The following CDYL variants were observed in gnomAD, a reference collection of about 807,000 sequenced individuals.
CDYL encodes the protein chromodomain Y like, also known as chromodomain Y-like protein.
CDYL carries 8 observed loss-of-function variants against 47.3 expected under a neutral mutation model. The observed-to-expected ratio is 0.17, with a 90% CI of 0.10 to 0.31. The LOEUF is 0.31. CDYL is among the 10% of genes least tolerant of loss of function. CDYL has a pLI of 1.00. For synonymous variants in CDYL, 266 were observed against 265.0 expected, an observed-to-expected ratio of 1.00 and a Z score of -0.04; for missense variants, 471 against 701.4, an observed-to-expected ratio of 0.67 and a Z score of 3.71.
At chr6:4,759,296 A>G (rs1758132996) in intron 3 of CDYL, among the ~76,000 whole-genome samples, 1 of 152,076 alleles carries the variant, frequency 6.6e-6, no homozygotes, top group Non-Finnish European at 1.5e-5. Context: ...CCTAACCAAA[A>G]TTAATACAGT....
chr6:4,887,753 A>G (rs532853049), intron 1 of CDYL, among the ~76,000 whole-genome samples: 2 of 152,232 alleles, frequency 1.3e-5, no homozygotes, highest in African/African-American at 4.8e-5. Context: ...AAGAACAAAC[A>G]TCTTGTTTTT....
intron 3 of CDYL, among the ~76,000 whole-genome samples, 168 bp downstream of exon 3, chr6:4,935,939 C>T (rs1218266985): frequency 6.6e-6 from 1 of 152,196 alleles, no homozygotes; most frequent in Non-Finnish European, 1.5e-5. Flanking sequence ...GGGCTTTGCT[C>T]CATGTCCCAC....
At chr6:4,904,613 A>T (rs1757171531) in intron 2 of CDYL, among the ~76,000 whole-genome samples, 1 of 152,148 alleles carries the variant, frequency 6.6e-6, no homozygotes, top group Non-Finnish European at 1.5e-5. Flanking sequence ...ATTATTTAAG[A>T]CTTGTTTGTG....
In CDYL at chr6:4,710,560, G is replaced by A. The variant is rs571286877; in HGVS notation, c.-39+4309G>A. On this transcript the variant is annotated intron_variant, in intron 1 of 8. Coordinates refer to the CDYL transcript ENST00000328908. ...TTTTATCTCTAAACCTCTAAAACAG[G>A]GAGGGAGGGAGGGAGGAACCCAGTG... is the stretch of plus-strand genomic sequence containing the variant. 1.2e-4 allele frequency among the ~76,000 whole-genome samples: 18 copies of A among 151,954 alleles called. No homozygotes were observed. In the East Asian group the frequency reaches 3.5e-3, roughly 29 times the overall value.
chr6:4,709,342 C>A (rs534282827), intron 1 of CDYL, among the ~76,000 whole-genome samples: 1 of 152,260 alleles, frequency 6.6e-6, no homozygotes, highest in African/African-American at 2.4e-5. Flanking sequence ...ATTAAAGGCA[C>A]TCACCACCCC....
intron 1 of CDYL, among the ~76,000 whole-genome samples, chr6:4,797,258 A>G (rs1419513898): frequency 3.3e-5 from 5 of 152,176 alleles, no homozygotes; most frequent in Non-Finnish European, 5.9e-5. Flanking sequence ...CTTACCCTCC[A>G]CTAGATTAAT....
intron 1 of CDYL, among the ~76,000 whole-genome samples, chr6:4,813,558 T>C (rs936384927): frequency 1.3e-5 from 2 of 152,242 alleles, no homozygotes; most frequent in African/African-American, 4.8e-5. Flanking sequence ...TGGATTCATT[T>C]TGCTAAATTA....
chr6:4,942,236 G>A (rs1245367145), intron 4 of CDYL, among the ~76,000 whole-genome samples: 1 of 152,118 alleles, frequency 6.6e-6, no homozygotes, highest in Non-Finnish European at 1.5e-5. Context: ...TGGGGGCTAG[G>A]CTGAGGTCCA....
At chr6:4,758,351 A>AAAAAAAATATATATATATATAT (rs1554134098) in intron 3 of CDYL, among the ~76,000 whole-genome samples, 1 of 129,072 alleles carries the variant, frequency 7.7e-6, no homozygotes, top group African/African-American at 3.1e-5. Flanking sequence ...AAAATAAATA[A>AAAAAAAATATATATATATATAT]ATATATATAT....
At chr6:4,807,763 C>T (rs1294076282) in intron 1 of CDYL, among the ~76,000 whole-genome samples, 12 of 151,682 alleles carry the variant, frequency 7.9e-5, no homozygotes, top group African/African-American at 2.9e-4. Flanking sequence ...GCCACCACAC[C>T]TGACTAATTT....
At position 4,727,388 on chromosome 6, in the gene CDYL, G is replaced by A. The variant is rs536316628; in HGVS notation, c.104-7374G>A. ...TCAAACACTGTAAAACAGGTTTTCTGTCCATACATAGGGTGGATTTGCAAC... is the reference window on the plus strand; with the variant it reads ...TCAAACACTGTAAAACAGGTTTTCTATCCATACATAGGGTGGATTTGCAAC... On this transcript the variant is annotated intron_variant, in intron 2 of 8. Transcript: ENST00000328908. Among the ~76,000 whole-genome samples the A allele has an allele frequency of 4.9e-4, 74 of 152,238 alleles. 1 individual carries two copies. Among genetic ancestry groups the A allele is most frequent in the African/African-American group, 1.8e-3 (73 of 41,518 alleles).
rs1187147858 is a variant in CDYL at position 4,892,045 on chromosome 6, C to G, written c.357C>G (p.Phe119Leu). 1.2e-6 allele frequency: 2 copies of G among 1,614,192 alleles called. No individual in the cohort carries two copies. Among genetic ancestry groups the G allele is most frequent in the East Asian group, 2.2e-5 (1 of 44,892 alleles). ...NSQLFAASQK[F>L]RKNTAPSLSS... ...AGCTGTTTGCTGCCAGCCAGAAGTT[C>G]AGGAAGAACACAGCTCCATCTCTCT... Residue 119 changes from phenylalanine (F) to leucine (L), a missense_variant, in exon 2 of 7, where the codon TTC (phenylalanine) becomes TTG (leucine). Around this residue, in one of 3 missense-constraint regions of CDYL, gnomAD observed 311 missense variants for 350.0 expected, o/e 0.89. Coordinates refer to ENST00000397588, the MANE Select transcript of CDYL (RefSeq NM_004824.4).
At chr6:4,765,245 C>T (rs1285969826) in intron 3 of CDYL, among the ~76,000 whole-genome samples, 1 of 152,018 alleles carries the variant, frequency 6.6e-6, no homozygotes, top group African/African-American at 2.4e-5. Flanking sequence ...ATCACTTGAA[C>T]CCGGGAGGCA....
At chr6:4,727,575 A>G (rs370895096) in intron 2 of CDYL, among the ~76,000 whole-genome samples, 72 of 151,480 alleles carry the variant, frequency 4.8e-4, no homozygotes, top group African/African-American at 1.6e-3. Flanking sequence ...TTCAGTCACT[A>G]TCCCCTGCCT....
At chr6:4,948,338 CAG>C (rs1000639515) in intron 5 of CDYL, among the ~76,000 whole-genome samples, 4 of 152,156 alleles carry the variant, frequency 2.6e-5, no homozygotes, top group African/African-American at 9.7e-5. Context: ...GAATGCTGCT[CAG>C]GGGTAGAGGT....
chr6:4,786,667 A>G (rs1758764708), intron 1 of CDYL, among the ~76,000 whole-genome samples: 1 of 152,136 alleles, frequency 6.6e-6, no homozygotes, highest in Admixed American at 6.5e-5. Context: ...TCTGTACTTT[A>G]AAAAAGTGAC....
chr6:4,881,194 T>A (rs949223460), intron 1 of CDYL, among the ~76,000 whole-genome samples: 1 of 152,164 alleles, frequency 6.6e-6, no homozygotes, highest in Non-Finnish European at 1.5e-5. Flanking sequence ...TTGGGTCTAG[T>A]GTTTTATTTT....
chr6:4,776,649 C>CGTGCCCA lies in CDYL; in HGVS notation c.-133_-127dup, dbSNP rs1415029308. 6 of 715,844 alleles carry CGTGCCCA rather than the reference C, an allele frequency of 8.4e-6. No homozygotes were observed. The African/African-American group carries it at 1.2e-4, about 14-fold the overall frequency. The allele number at this position is 715,844 out of a possible 1,614,324, so 44.3% of individuals were successfully genotyped here. Reference sequence around the variant, plus strand: ...GGCCGCGGAGTGCAAGAGGCTCGTCCGTGCCCAGCGCCCGGCCGGCCGCGG... The same window carrying CGTGCCCA: ...GGCCGCGGAGTGCAAGAGGCTCGTCCGTGCCCAGTGCCCAGCGCCCGGCCGGCCGCGG... On this transcript the variant is annotated 5_prime_UTR_variant, in exon 1 of 7. Coordinates refer to ENST00000397588, the MANE Select transcript of CDYL (RefSeq NM_004824.4).
intron 3 of CDYL, among the ~76,000 whole-genome samples, chr6:4,748,229 T>A (rs1201992979): frequency 6.6e-6 from 1 of 152,158 alleles, no homozygotes; most frequent in Non-Finnish European, 1.5e-5. Context: ...AGCTACTTAG[T>A]CTTCTTAAAA....
Sources: gnomAD v4.1 joint callset for allele counts (sites outside exome capture counted in the v4.1 genomes callset) on GRCh38, gnomAD v4.1.1 for gene constraint, gnomAD v4.1.1 regional missense constraint, MANE v1.5 for transcripts, NCBI Gene and HGNC (gene_info 2026-07-23, HGNC 2026-07-21) for gene names.